Variants in PPP2R5C observed in about 807,000 individuals in gnomAD.
PPP2R5C encodes the protein protein phosphatase 2 regulatory subunit B'gamma.
PPP2R5C carries 7 observed loss-of-function variants against 68.9 expected under a neutral mutation model. The observed-to-expected ratio is 0.10, with a 90% CI of 0.06 to 0.19. PPP2R5C has a LOEUF of 0.19. Among genes scored for constraint, PPP2R5C ranks in the 10% least tolerant of loss-of-function variants. PPP2R5C has a pLI of 1.00. For synonymous variants in PPP2R5C, 210 were observed against 222.2 expected, an observed-to-expected ratio of 0.95 and a Z score of 0.49; for missense variants, 348 against 641.3, an observed-to-expected ratio of 0.54 and a Z score of 4.94.
intron 7 of PPP2R5C, among the ~76,000 whole-genome samples, chr14:101,893,537 A>T (rs2045102322): frequency 6.6e-6 from 1 of 152,206 alleles, no homozygotes; most frequent in Admixed American, 6.5e-5. Context: ...AGATCACCTG[A>T]GGTTGGGAGT....
At chr14:101,780,143 G>T (rs2037605724) in intron 2 of PPP2R5C, among the ~76,000 whole-genome samples, 1 of 152,092 alleles carries the variant, frequency 6.6e-6, no homozygotes, top group African/African-American at 2.4e-5. Flanking sequence ...CTCCAACAAG[G>T]ACTCCAAGAA....
chr14:101,836,511 T>C (rs1318996222), intron 1 of PPP2R5C: 3 of 589,958 alleles, frequency 5.1e-6, no homozygotes, highest in Admixed American at 5.7e-5. Context: ...CTGCAGATAG[T>C]TCTTTTTCAA....
intron 2 of PPP2R5C, among the ~76,000 whole-genome samples, chr14:101,763,214 GT>G (rs796906646): frequency 5.3e-5 from 8 of 151,398 alleles, no homozygotes; most frequent in African/African-American, 1.9e-4. Context: ...GTCTTTTGGG[GT>G]TTTTTTTGTT....
chr14:101,903,680 T>A lies in PPP2R5C; in HGVS notation c.1023+1791T>A, dbSNP rs189631761. 7.5e-4 allele frequency among the ~76,000 whole-genome samples: 114 copies of A among 152,274 alleles called. 1 individual carries two copies. Among genetic ancestry groups the A allele is most frequent in the Middle Eastern group, 3.4e-3 (1 of 294 alleles). On this transcript the variant is annotated intron_variant, in intron 9 of 13. Coordinates refer to ENST00000334743, the Ensembl canonical transcript of PPP2R5C. Reference sequence around the variant, plus strand: ...TAAGGCCAACTCATTCTTAATTTTTTTTTTTTTTCCTTTGAGATGGAGTCT... The same window carrying A: ...TAAGGCCAACTCATTCTTAATTTTTATTTTTTTTCCTTTGAGATGGAGTCT...
intron 13 of PPP2R5C, among the ~76,000 whole-genome samples, chr14:101,919,969 C>CCAAAAAAAAAA (rs775818748): frequency 7.6e-5 from 4 of 52,884 alleles, no homozygotes; most frequent in African/African-American, 2.7e-4. Flanking sequence ...AACTCCGTCT[C>CCAAAAAAAAAA]AAAAAAAAAA....
chr14:101,808,476 T>C (rs928525173), upstream of PPP2R5C, among the ~76,000 whole-genome samples: 4 of 152,172 alleles, frequency 2.6e-5, no homozygotes, highest in Non-Finnish European at 5.9e-5. Context: ...TTTGCTTTTA[T>C]CTATTTATTT....
Position 101,781,471 on chromosome 14 carries a change from C to T in PPP2R5C, c.94-4547C>T, listed in dbSNP as rs960628125. Among the ~76,000 whole-genome samples the T allele has an allele frequency of 5.3e-5, 8 of 152,172 alleles. No individual in the cohort carries two copies. The South Asian group carries it at 6.2e-4, about 12-fold the overall frequency. Reference sequence around the variant, plus strand: ...GTCGCTGCAGACCCGCGTGGGCTCCCGCCGGGCCCTCCTGCCGCCCCCCAG... The same window carrying T: ...GTCGCTGCAGACCCGCGTGGGCTCCTGCCGGGCCCTCCTGCCGCCCCCCAG... On this transcript the variant is annotated intron_variant, in intron 2 of 14. Transcript: ENST00000328724. This position sits in a 1 kb window ranked among gnomAD's most constrained non-coding sequence, Gnocchi z 6.4.
At chr14:101,851,097 G>C (rs2042132063) in intron 1 of PPP2R5C, among the ~76,000 whole-genome samples, 1 of 152,162 alleles carries the variant, frequency 6.6e-6, no homozygotes, top group Middle Eastern at 3.2e-3. Context: ...CTCGCGACTT[G>C]CATAGACCTC....
intron 11 of PPP2R5C, among the ~76,000 whole-genome samples, chr14:101,911,358 A>G (rs1032925264): frequency 2.0e-5 from 3 of 152,188 alleles, no homozygotes; most frequent in African/African-American, 7.2e-5. Context: ...TAAGTGAACT[A>G]TAGAGCATGA....
upstream of PPP2R5C, chr14:101,761,735 G>A (rs2036548015): frequency 6.1e-6 from 6 of 982,472 alleles, no homozygotes; most frequent in Non-Finnish European, 7.2e-6. Flanking sequence ...CAGCCTCTGG[G>A]AGTCTGGAAA....
intron 11 of PPP2R5C, among the ~76,000 whole-genome samples, chr14:101,910,643 T>C (rs1223681417): frequency 2.6e-5 from 4 of 151,236 alleles, no homozygotes; most frequent in South Asian, 4.2e-4. Flanking sequence ...CCATGCTGGC[T>C]AACACGGTGA....
At position 101,818,979 on chromosome 14, in the gene PPP2R5C, T is replaced by C. The variant is rs778991174; in HGVS notation, c.94+8943T>C. On this transcript the variant is annotated intron_variant, in intron 1 of 13. Coordinates refer to ENST00000334743, the Ensembl canonical transcript of PPP2R5C. ...TAACTTATAACTTATGAAAAAGTTA[T>C]GTTTCACTCTAGGGAACAAGTCCTG... 4.0e-5 allele frequency: 61 copies of C among 1,525,720 alleles called. No individual in the cohort carries two copies. In the Admixed American group the frequency reaches 1.0e-3, roughly 25 times the overall value. 94.5% of individuals were successfully genotyped at this position (1,525,720 alleles called of 1,614,324 possible).
intron 3 of PPP2R5C, among the ~76,000 whole-genome samples, chr14:101,795,261 T>C (rs1252850199): frequency 1.3e-5 from 2 of 152,256 alleles, no homozygotes; most frequent in Non-Finnish European, 2.9e-5. Flanking sequence ...AGATATTGTC[T>C]ACACACTTTC....
intron 3 of PPP2R5C, among the ~76,000 whole-genome samples, chr14:101,798,220 AG>A (rs1348366641): frequency 3.3e-5 from 5 of 152,020 alleles, no homozygotes; most frequent in Non-Finnish European, 2.9e-5. Flanking sequence ...ACTGTTCTCT[AG>A]GTTCAGAACA....
intron 2 of PPP2R5C, among the ~76,000 whole-genome samples, chr14:101,857,418 G>A (rs988779824): frequency 1.2e-4 from 18 of 151,214 alleles, no homozygotes; most frequent in African/African-American, 3.9e-4. Flanking sequence ...TGAGAAGGCC[G>A]CCACCTGTCA....
chr14:101,784,586 G>C (rs944411475), intron 2 of PPP2R5C, among the ~76,000 whole-genome samples: 3 of 152,052 alleles, frequency 2.0e-5, no homozygotes, highest in Non-Finnish European at 4.4e-5. Context: ...AGAACAGCAG[G>C]GGGGAAACTG....
intron 2 of PPP2R5C, among the ~76,000 whole-genome samples, chr14:101,776,951 G>C (rs2037455233): frequency 2.0e-5 from 3 of 150,394 alleles, no homozygotes; most frequent in Non-Finnish European, 4.4e-5. Context: ...CGTGATCTCG[G>C]CTCACTGCAA....
At chr14:101,912,778 A>C (rs1405290658) in intron 12 of PPP2R5C, among the ~76,000 whole-genome samples, 2 of 152,228 alleles carry the variant, frequency 1.3e-5, no homozygotes, top group East Asian at 3.8e-4. Flanking sequence ...CTCCTCTCTC[A>C]GATATCATAG....
In PPP2R5C at chr14:101,888,220, T is replaced by C. The variant is rs1193604750; in HGVS notation, c.630-2017T>C. On this transcript the variant is annotated intron_variant, in intron 5 of 13. Transcript: ENST00000334743. The surrounding 1 kb of genome is among the most constrained non-coding windows in gnomAD (Gnocchi z 5.6). ...CCAGATCACAGCTCTCCAAGGTCCA[T>C]GCGAGAGGAATAGTAAACTGAAGCC... Among the ~76,000 whole-genome samples the C allele has an allele frequency of 6.6e-6, 1 of 151,958 alleles. No homozygotes were observed. The highest frequency in any genetic ancestry group is 1.5e-5 in the Non-Finnish European group (1 of 67,994).
Sources: gnomAD v4.1 joint callset for allele counts (sites outside exome capture counted in the v4.1 genomes callset) on GRCh38, gnomAD v4.1.1 for gene constraint, Gnocchi (gnomAD v3.1) non-coding constraint, MANE v1.5 for transcripts, NCBI Gene and HGNC (gene_info 2026-07-23, HGNC 2026-07-21) for gene names.